The following EFS variants were observed in gnomAD, a reference collection of about 807,000 sequenced individuals.
EFS encodes Cas scaffolding protein family member 3.
A neutral mutation model predicts 42.2 loss-of-function variants in EFS; 34 were observed. That is an observed-to-expected ratio of 0.81 (90% confidence interval 0.61 to 1.07). The LOEUF is 1.07. Among genes scored for constraint, EFS ranks in the 50% least tolerant of loss-of-function variants. The pLI is 0.00. For synonymous variants in EFS, 299 were observed against 320.7 expected (o/e 0.93, Z 0.72); for missense variants, 717 against 729.4 (o/e 0.98, Z 0.20).
In EFS at chr14:23,360,821, G is replaced by A. The variant is rs764268978; in HGVS notation, c.31C>T (p.Arg11Trp). 1.8e-5 allele frequency: 29 copies of A among 1,610,214 alleles called. No individual in the cohort carries two copies. In the Middle Eastern group the frequency reaches 1.8e-3, roughly 101 times the overall value. The change falls in exon 2 of 6, where the codon CGG becomes TGG. Residue 11 changes from arginine (R) to tryptophan (W), a missense_variant. Arg to Trp is a moderately radical substitution (Grantham distance 101, BLOSUM62 -3). Coordinates refer to ENST00000216733, the MANE Select transcript of EFS (RefSeq NM_005864.4). MAIATSTQLA[R>W]ALYDNTAESP... ...TCAGCGGTGTTGTCATACAGTGCCC[G>A]GGCCAGCTGGGTCTGGTTGGGGAGG...
intron 4 of EFS, 80 bp from the exon 5 acceptor site, chr14:23,359,045 C>T (rs983208180): frequency 3.6e-5 from 46 of 1,269,040 alleles, no homozygotes; most frequent in Middle Eastern, 2.2e-4. Context: ...GCCCCTTCCC[C>T]GGACCCCCTT....
chr14:23,357,344 T>C lies in EFS; in HGVS notation c.1568A>G (p.Lys523Arg). ...GGATGGGTAGCCCAGGGCAGCTCCC[T>C]TGACAGCCAGCACAGTGGCCCGCAA... The part of the protein sequence containing the change: ...QALRATVLAV[K>R]GAALGYPSSP... The change falls in exon 6 of 6, where the codon AAG becomes AGG. Residue 523 changes from lysine to arginine, a missense_variant. Physicochemically the swap from Lys to Arg is conservative, Grantham distance 26 (BLOSUM62 2). Coordinates refer to ENST00000216733, the MANE Select transcript of EFS (RefSeq NM_005864.4). 6.2e-7 allele frequency: 1 copy of C among 1,611,674 alleles called. No homozygotes were observed. Among genetic ancestry groups the C allele is most frequent in the Non-Finnish European group, 8.5e-7 (1 of 1,178,280 alleles).
rs1430655998 is a variant in EFS, at chr14:23,360,535, G to A, written c.297+20C>T. On this transcript the variant is annotated intron_variant, in intron 2 of 5. Coordinates refer to ENST00000216733, the MANE Select transcript of EFS (RefSeq NM_005864.4). ...AATGGGGCTCTTCTGGCTTGGGGTTGGGGAGGCTCCCACTCTCACCTCCTG... is the reference window on the plus strand; with the variant it reads ...AATGGGGCTCTTCTGGCTTGGGGTTAGGGAGGCTCCCACTCTCACCTCCTG... 3.9e-6 allele frequency: 6 copies of A among 1,524,342 alleles called. No individual in the cohort carries two copies. The South Asian group carries it at 5.2e-5, about 13-fold the overall frequency. The allele number at this position is 1,524,342 out of a possible 1,614,324, so 94.4% of individuals were successfully genotyped here.
intron 1 of EFS, among the ~76,000 whole-genome samples, chr14:23,363,359 A>G (rs967146074): frequency 5.3e-5 from 8 of 152,334 alleles, no homozygotes; most frequent in East Asian, 1.9e-4. Context: ...TGAGAGTTGC[A>G]TGAGATAACG....
At position 23,358,864 on chromosome 14, in the gene EFS, C is replaced by G. The variant is rs778880696; in HGVS notation, c.1251+12G>C. On this transcript the variant is annotated intron_variant, in intron 5 of 5. Transcript: ENST00000216733. ...CTGTCCCCTTCTCTAGCACCATTCC[C>G]GCCAGGGTCACCTGCGGCGCCGGCA... 2 of 1,605,104 alleles carry G rather than the reference C, an allele frequency of 1.2e-6. No individual in the cohort carries two copies. The highest frequency in any genetic ancestry group is 1.7e-5 in the Admixed American group (1 of 58,908).
chr14:23,364,410 A>G (rs906561995), intron 1 of EFS, among the ~76,000 whole-genome samples: 19 of 152,110 alleles, frequency 1.2e-4, no homozygotes, highest in African/African-American at 4.6e-4. Flanking sequence ...GCCTCCTCCC[A>G]CTGTCCCATC....
At position 23,357,177 on chromosome 14, in the gene EFS, AG is replaced by A. The variant is rs756957506; in HGVS notation, c.*48del. 6.8e-6 allele frequency: 10 copies of A among 1,471,482 alleles called. No homozygotes were observed. The highest frequency in any genetic ancestry group is 1.4e-5 in the African/African-American group (1 of 70,984). The allele number at this position is 1,471,482 out of a possible 1,614,324, so 91.2% of individuals were successfully genotyped here. A position where few individuals can be genotyped will look rare whatever the true frequency, so the allele number is the denominator to read the frequency against. ...AGCCTTCCAGCCACCCAAGGCCTAA[AG>A]GGGGGCTTTGGCAGGCAGGGGAGGA... On this transcript the variant is annotated 3_prime_UTR_variant, in exon 6 of 6. Coordinates refer to ENST00000216733, the MANE Select transcript of EFS (RefSeq NM_005864.4).
rs770565234 is a variant in EFS at position 23,359,736 on chromosome 14, T to C, written c.742A>G (p.Thr248Ala). The change falls in exon 4 of 6, where the codon ACT (threonine) becomes GCT (alanine). Residue 248 changes from threonine (T) to alanine (A), a missense_variant. Transcript: ENST00000216733. The part of the protein sequence containing the change: ...ELLADGEGGG[T>A]DEGIYDVPLL... ...GGCACATCGTAGATCCCCTCATCAG[T>C]GCCCCCGCCCTCCCCGTCTGCCAGC... 1.3e-6 allele frequency: 2 copies of C among 1,516,808 alleles called. No individual in the cohort carries two copies. The highest frequency in any genetic ancestry group is 4.6e-5 in the East Asian group (2 of 43,384). 94.0% of individuals were successfully genotyped at this position (1,516,808 alleles called of 1,614,324 possible).
chr14:23,359,375 T>C lies in EFS; in HGVS notation c.1103A>G (p.His368Arg). The C allele has an allele frequency of 6.2e-7, 1 of 1,612,820 alleles. No homozygotes were observed. Among genetic ancestry groups the C allele is most frequent in the Non-Finnish European group, 8.5e-7 (1 of 1,179,842 alleles). ...CGGAATGCCCTCGTACTCATTGTGG[T>C]GTCCTGCTGGGTCATCCTCCATCTC... ...GREMEDDPAG[H>R]HNEYEGIPMA... Residue 368 changes from histidine to arginine, a missense_variant, in exon 4 of 6, where the codon CAC becomes CGC. Coordinates refer to ENST00000216733, the MANE Select transcript of EFS (RefSeq NM_005864.4).
At chr14:23,364,923 A>T in intron 1 of EFS, 85 bp downstream of exon 1, 1 of 1,178,222 alleles carries the variant, frequency 8.5e-7, no homozygotes, top group Non-Finnish European at 1.1e-6. Flanking sequence ...AGAGAGACAA[A>T]GAGAGGGCAG....
At position 23,360,887 on chromosome 14, in the gene EFS, C is replaced by T. The variant is rs563397066; in HGVS notation, c.19-54G>A. The T allele has an allele frequency of 1.7e-5, 26 of 1,537,174 alleles. No homozygotes were observed. The South Asian group carries it at 2.4e-4, about 14-fold the overall frequency. On this transcript the variant is annotated intron_variant, in intron 1 of 5. Transcript: ENST00000216733. ...GGGTCTTCAGACCCCTTTCAGGTCA[C>T]GTCACCCCTGCTTAGAACCCTTCGG... is the stretch of plus-strand genomic sequence containing the variant.
In EFS at chr14:23,358,958, T is replaced by A; in HGVS notation, c.1169A>T (p.Asp390Val). 6.2e-7 allele frequency: 1 copy of A among 1,611,220 alleles called. No individual in the cohort carries two copies. The highest frequency in any genetic ancestry group is 8.5e-7 in the Non-Finnish European group (1 of 1,178,734). Reference sequence around the variant, plus strand: ...CGGGGGCCTAGATCCCTGAGCTTTGTCCATGCCCTGCAGGAGGGGATCAGG... The same window carrying A: ...CGGGGGCCTAGATCCCTGAGCTTTGACCATGCCCTGCAGGAGGGGATCAGG... ...EYDYVHLKGM[D>V]KAQGSRPPDQ... Residue 390 changes from aspartate to valine, a missense_variant, in exon 5 of 6, where the codon GAC (aspartate) becomes GTC (valine). Transcript: ENST00000216733.
At chr14:23,364,527 CT>C (rs1804828512) in intron 1 of EFS, among the ~76,000 whole-genome samples, 4 of 152,178 alleles carry the variant, frequency 2.6e-5, no homozygotes, top group Admixed American at 2.6e-4. Context: ...GATCTCCCTC[CT>C]TTGCTCTATC....
rs57240518 is a variant in EFS, at chr14:23,362,917, C to CTT, written c.19-2086_19-2085dup. Among the ~76,000 whole-genome samples the CTT allele has an allele frequency of 4.3e-4, 60 of 139,750 alleles. 1 individual carries two copies. The highest frequency in any genetic ancestry group is 1.2e-3 in the African/African-American group (45 of 37,520). The allele number at this position is 139,750 out of a possible 152,430, so 91.7% of individuals were successfully genotyped here. A position where few individuals can be genotyped will look rare whatever the true frequency, so the allele number is the denominator to read the frequency against. On this transcript the variant is annotated intron_variant, in intron 1 of 5. Coordinates refer to ENST00000216733, the MANE Select transcript of EFS (RefSeq NM_005864.4). ...TCTGTCCCTTTCTTTTTCTTTCTTT[C>CTT]TTTTTTTTTTTTTTGAGACGGAGTT...
chr14:23,361,277 G>A (rs1983652), intron 1 of EFS, among the ~76,000 whole-genome samples: 43,805 of 152,078 alleles, frequency 0.29, 8,365 homozygotes, highest in African/African-American at 0.54. Flanking sequence ...TCCAAAACAT[G>A]TGAAGCCCTG....
intron 1 of EFS, among the ~76,000 whole-genome samples, chr14:23,362,624 A>G (rs1447365014): frequency 5.9e-5 from 9 of 152,222 alleles, no homozygotes; most frequent in Admixed American, 5.9e-4. Context: ...TTAGTGCTGC[A>G]CTTTTCTTTT....
At chr14:23,358,855 C>G in intron 5 of EFS, 21 bp downstream of exon 5, 1 of 1,598,022 alleles carries the variant, frequency 6.3e-7, no homozygotes, top group Non-Finnish European at 8.5e-7. Context: ...CCTTCTCTAG[C>G]ACCATTCCCG....
At chr14:23,362,103 C>T (rs1485092652) in intron 1 of EFS, among the ~76,000 whole-genome samples, 1 of 152,244 alleles carries the variant, frequency 6.6e-6, no homozygotes, top group Non-Finnish European at 1.5e-5. Flanking sequence ...CCTTCTTATA[C>T]CCTATTTCCC....
chr14:23,364,212 G>A (rs1441300586), intron 1 of EFS, among the ~76,000 whole-genome samples: 3 of 152,200 alleles, frequency 2.0e-5, no homozygotes, highest in African/African-American at 7.2e-5. Flanking sequence ...CGCTCCTCCC[G>A]GTGTTAGGAC....
Sources: allele counts gnomAD v4.1 joint callset (sites outside exome capture counted in the v4.1 genomes callset), GRCh38; gene constraint gnomAD v4.1.1; transcripts MANE v1.5; gene names NCBI Gene and HGNC (gene_info 2026-07-23, HGNC 2026-07-21).